Variants in GOLGA1 observed in about 807,000 individuals in gnomAD.
The protein encoded by GOLGA1 is golgin A1.
In GOLGA1, 63 loss-of-function variants were observed where a neutral mutation model predicts 119.7. That is an observed-to-expected ratio of 0.53 (90% confidence interval 0.43 to 0.65). GOLGA1 has a LOEUF of 0.65. GOLGA1 is among the 30% of genes least tolerant of loss of function. The pLI, the probability that GOLGA1 is intolerant of heterozygous loss-of-function variation, is 0.00. For missense variants in GOLGA1, 798 were observed against 912.8 expected, an observed-to-expected ratio of 0.87 and a Z score of 1.62; for synonymous variants, 318 against 333.4, an observed-to-expected ratio of 0.95 and a Z score of 0.50.
At chr9:124,939,550 C>CTTTCT (rs1830954280) in intron 2 of GOLGA1, among the ~76,000 whole-genome samples, 50 of 81,832 alleles carry the variant, frequency 6.1e-4, no homozygotes, top group East Asian at 1.8e-3. Flanking sequence ...TTCTTTCTTT[C>CTTTCT]TTTTTTTTTT....
chr9:124,881,742 GC>G lies in GOLGA1; in HGVS notation c.2136+41del. On this transcript the variant is annotated intron_variant, in intron 21 of 22. Coordinates refer to ENST00000373555, the MANE Select transcript of GOLGA1 (RefSeq NM_002077.4). This position sits in a 1 kb window ranked among gnomAD's most constrained non-coding sequence, Gnocchi z 4.9. Reference sequence around the variant, plus strand: ...GGGTCCCTGCAGGACAGACTGTAGGGCGGGGCCTCAATACCCAAAAGACACC... The same window carrying G: ...GGGTCCCTGCAGGACAGACTGTAGGGGGGGCCTCAATACCCAAAAGACACC... 1 of 1,405,102 alleles carries G rather than the reference GC, an allele frequency of 7.1e-7. No homozygotes were observed. The highest frequency in any genetic ancestry group is 9.9e-7 in the Non-Finnish European group (1 of 1,008,322). The allele number at this position is 1,405,102 out of a possible 1,614,324, so 87.0% of individuals were successfully genotyped here.
chr9:124,946,157 TCTA>T lies in GOLGA1; in HGVS notation c.-156+1758_-156+1760del, dbSNP rs1166277669. 6.6e-6 allele frequency: 1 copy of T among 152,216 alleles called. No homozygotes were observed. Among genetic ancestry groups the T allele is most frequent in the Admixed American group, 6.5e-5 (1 of 15,276 alleles). 9.4% of individuals were successfully genotyped at this position (152,216 alleles called of 1,614,324 possible). The stretch of plus-strand genomic sequence containing the variant: ...GAATTTTAAATGGTATAATATCTGC[TCTA>T]CTACTCTCCAGTGCAAAAACAATGA... On this transcript the variant is annotated intron_variant, in intron 1 of 4. Coordinates refer to the GOLGA1 transcript ENST00000421514. The surrounding 1 kb of genome is among the most constrained non-coding windows in gnomAD (Gnocchi z 4.0).
chr9:124,935,799 TAATA>T (rs1161732392), intron 3 of GOLGA1, among the ~76,000 whole-genome samples: 1 of 148,738 alleles, frequency 6.7e-6, no homozygotes, highest in Non-Finnish European at 1.5e-5. Flanking sequence ...ATAGAAGCCA[TAATA>T]CGTGTTGACT....
chr9:124,911,823 A>G, intron 11 of GOLGA1, 78 bp downstream of exon 11: 2 of 1,303,152 alleles, frequency 1.5e-6, no homozygotes, highest in Non-Finnish European at 2.2e-6. Context: ...TACAGCTCTG[A>G]AACTCTAGGA....
chr9:124,926,841 C>T (rs113604960), intron 6 of GOLGA1, 100 bp from the exon 7 acceptor site: 13 of 617,200 alleles, frequency 2.1e-5, no homozygotes, highest in Admixed American at 8.5e-5. Context: ...CAGAAAGCAA[C>T]TAACCAAACA....
At chr9:124,926,410 C>G (rs1275677433) in intron 7 of GOLGA1, among the ~76,000 whole-genome samples, 2 of 152,114 alleles carry the variant, frequency 1.3e-5, no homozygotes, top group Non-Finnish European at 2.9e-5. Context: ...TGGCTGAACC[C>G]AACCGGATGC....
At chr9:124,890,556 G>T in intron 15 of GOLGA1, 78 bp from the exon 16 acceptor site, 1 of 1,071,508 alleles carries the variant, frequency 9.3e-7, no homozygotes, top group Non-Finnish European at 1.4e-6. Flanking sequence ...AAGCCCAGCA[G>T]ACAGGGCATG....
In GOLGA1 at chr9:124,890,379, C is replaced by T. The variant is rs368593273; in HGVS notation, c.1497+10G>A. ...GGGGACATCGCCCCTCAGCGTGAAA[C>T]AGGGCCCACCTGTTGCTGGAACTCT... On this transcript the variant is annotated intron_variant, in intron 16 of 22. Coordinates refer to ENST00000373555, the MANE Select transcript of GOLGA1 (RefSeq NM_002077.4). 22 of 1,593,774 alleles carry T rather than the reference C, an allele frequency of 1.4e-5. No homozygotes were observed. Among genetic ancestry groups the T allele is most frequent in the Non-Finnish European group, 1.9e-5 (22 of 1,161,566 alleles).
chr9:124,880,582 G>A lies in GOLGA1; in HGVS notation c.2252C>T (p.Pro751Leu), dbSNP rs1363471380. 2.5e-6 allele frequency: 4 copies of A among 1,611,344 alleles called. No individual in the cohort carries two copies. Among genetic ancestry groups the A allele is most frequent in the Non-Finnish European group, 3.4e-6 (4 of 1,177,696 alleles). ...KMSWFGSKPA[P>L]KGSIRPSISN... ...GATAGACGGCCGGATGCTGCCCTTGGGAGCTGGTTTGGACCCAAACCATGA... is the reference window on the plus strand; with the variant it reads ...GATAGACGGCCGGATGCTGCCCTTGAGAGCTGGTTTGGACCCAAACCATGA... The change falls in exon 23 of 23, where the codon CCC (proline) becomes CTC (leucine). Residue 751 changes from proline to leucine, a missense_variant. Coordinates refer to ENST00000373555, the MANE Select transcript of GOLGA1 (RefSeq NM_002077.4).
At chr9:124,895,090 C>A (rs1271399274) in intron 15 of GOLGA1, among the ~76,000 whole-genome samples, 4 of 151,098 alleles carry the variant, frequency 2.6e-5, no homozygotes, top group African/African-American at 4.9e-5. Flanking sequence ...AAAGAACCAC[C>A]CACAACAGAG....
At position 124,879,782 on chromosome 9, in the gene GOLGA1, A is replaced by G. The variant is rs757416612; in HGVS notation, c.*748T>C. 1.3e-5 allele frequency: 2 copies of G among 152,626 alleles called. No individual in the cohort carries two copies. The highest frequency in any genetic ancestry group is 2.9e-5 in the Non-Finnish European group (2 of 68,044). The allele number at this position is 152,626 out of a possible 1,614,324, so 9.5% of individuals were successfully genotyped here. A position where few individuals can be genotyped will look rare whatever the true frequency, so the allele number is the denominator to read the frequency against. ...TTTATAGTAGTGAAGAACTTCAGCTATAAAAAATAGTTTAAAATGGTTTAC... is the reference window on the plus strand; with the variant it reads ...TTTATAGTAGTGAAGAACTTCAGCTGTAAAAAATAGTTTAAAATGGTTTAC... On this transcript the variant is annotated 3_prime_UTR_variant, in exon 23 of 23. Transcript: ENST00000373555.
chr9:124,914,891 CA>C (rs1229122509), intron 10 of GOLGA1, among the ~76,000 whole-genome samples: 2 of 152,208 alleles, frequency 1.3e-5, no homozygotes, highest in Admixed American at 6.5e-5. Flanking sequence ...CTGTGTTAGG[CA>C]AAGTTAGGGA....
At chr9:124,924,717 A>G (rs1237916234) in intron 7 of GOLGA1, among the ~76,000 whole-genome samples, 3 of 137,846 alleles carry the variant, frequency 2.2e-5, no homozygotes, top group African/African-American at 8.0e-5. Flanking sequence ...CTCTTGACTG[A>G]AAAAAAAAAA....
chr9:124,932,997 G>C (rs1446279211), intron 3 of GOLGA1, among the ~76,000 whole-genome samples: 3 of 151,988 alleles, frequency 2.0e-5, no homozygotes, highest in Non-Finnish European at 2.9e-5. Flanking sequence ...AATTTTTGGA[G>C]ACATACATTC....
At chr9:124,940,266 GAT>G (rs1288091368) in intron 1 of GOLGA1, 111 bp from the exon 2 acceptor site, 1 of 152,088 alleles carries the variant, frequency 6.6e-6, no homozygotes, top group African/African-American at 2.4e-5. Flanking sequence ...GCAGAAGAAG[GAT>G]TAAAGGGGGT....
At chr9:124,945,476 A>G (rs569791212), upstream of GOLGA1, 2 of 152,138 alleles carry the variant, frequency 1.3e-5, no homozygotes, top group East Asian at 3.9e-4. Context: ...AATCTCTTGA[A>G]CCCAGGAGGC....
chr9:124,904,635 C>T (rs1830183106), intron 12 of GOLGA1, among the ~76,000 whole-genome samples: 1 of 152,012 alleles, frequency 6.6e-6, no homozygotes, highest in Non-Finnish European at 1.5e-5. Flanking sequence ...ATGGTGAAAC[C>T]CCGTCTCCAC....
chr9:124,923,765 T>G (rs921763079), intron 7 of GOLGA1, among the ~76,000 whole-genome samples: 1 of 152,076 alleles, frequency 6.6e-6, no homozygotes, highest in Non-Finnish European at 1.5e-5. Flanking sequence ...TTGATAGATA[T>G]GAGCCATCGT....
Position 124,946,186 on chromosome 9 carries a change from T to TCCA in GOLGA1, c.-156+1731_-156+1732insTGG, listed in dbSNP as rs1564352036. 7.9e-5 allele frequency: 12 copies of TCCA among 152,172 alleles called. No homozygotes were observed. The highest frequency in any genetic ancestry group is 2.2e-4 in the African/African-American group (9 of 41,440). The allele number at this position is 152,172 out of a possible 1,614,324, so 9.4% of individuals were successfully genotyped here. A position where few individuals can be genotyped will look rare whatever the true frequency, so the allele number is the denominator to read the frequency against. On this transcript the variant is annotated intron_variant, in intron 1 of 4. Coordinates refer to the GOLGA1 transcript ENST00000421514. This position sits in a 1 kb window ranked among gnomAD's most constrained non-coding sequence, Gnocchi z 4.0. ...CTACTCTCCAGTGCAAAAACAATGA[T>TCCA]TTGGTTATTCAAACAACAAACCATC...
Sources: gnomAD v4.1 joint callset for allele counts (sites outside exome capture counted in the v4.1 genomes callset) on GRCh38, gnomAD v4.1.1 for gene constraint, Gnocchi (gnomAD v3.1) non-coding constraint, MANE v1.5 for transcripts, NCBI Gene and HGNC (gene_info 2026-07-23, HGNC 2026-07-21) for gene names.